Variants in TENM4 observed in about 807,000 individuals in gnomAD.
TENM4 encodes teneurin transmembrane protein 4.
A neutral mutation model predicts 243.3 loss-of-function variants in TENM4; 82 were observed. That is an observed-to-expected ratio of 0.34 (90% confidence interval 0.28 to 0.40). The LOEUF is 0.40. TENM4 is among the 10% of genes least tolerant of loss of function. The pLI is 1.00. For missense variants in TENM4, 3,138 were observed against 3,673.3 expected (o/e 0.85, Z 3.77); for synonymous variants, 1,412 against 1,456.3 (o/e 0.97, Z 0.69).
At chr11:79,243,576 G>A (rs976026479) in intron 2 of TENM4, among the ~76,000 whole-genome samples, 1 of 152,180 alleles carries the variant, frequency 6.6e-6, no homozygotes, top group African/African-American at 2.4e-5. Flanking sequence ...AGAAACACAA[G>A]AGGAGGGAGG....
intron 3 of TENM4, among the ~76,000 whole-genome samples, chr11:79,201,928 A>G (rs1863746518): frequency 6.6e-6 from 1 of 152,196 alleles, no homozygotes; most frequent in Non-Finnish European, 1.5e-5. Flanking sequence ...CCAAGAGTGA[A>G]TGAATGGAGG....
At chr11:78,743,197 A>G (rs887258952) in intron 19 of TENM4, among the ~76,000 whole-genome samples, 1 of 152,152 alleles carries the variant, frequency 6.6e-6, no homozygotes, top group African/African-American at 2.4e-5. Context: ...CTCCTAGGGC[A>G]TTCACCAAGC....
At position 78,887,873 on chromosome 11, in the gene TENM4, G is replaced by A. The variant is rs945249488; in HGVS notation, c.1084+1912C>T. On this transcript the variant is annotated intron_variant, in intron 9 of 33. Transcript: ENST00000278550. ...ATGATATAAACCTTAAGACTTCAAC[G>A]CAAAACAAATGGATGTGTATAGCAG... 1.6e-4 allele frequency among the ~76,000 whole-genome samples: 24 copies of A among 152,316 alleles called. No homozygotes were observed. In the East Asian group the frequency reaches 2.5e-3, roughly 16 times the overall value.
chr11:79,080,721 C>G (rs1396053443), intron 4 of TENM4, among the ~76,000 whole-genome samples: 1 of 152,218 alleles, frequency 6.6e-6, no homozygotes, highest in Non-Finnish European at 1.5e-5. Context: ...GTAAGCAGCA[C>G]TTTGGGAAAT....
chr11:78,774,198 T>A (rs1275996576), intron 17 of TENM4, among the ~76,000 whole-genome samples: 2 of 152,194 alleles, frequency 1.3e-5, no homozygotes, highest in African/African-American at 2.4e-5. Flanking sequence ...TACATAGGGA[T>A]TCAATAAATG....
intron 1 of TENM4, among the ~76,000 whole-genome samples, chr11:79,323,190 G>T (rs939064262): frequency 3.3e-5 from 5 of 152,144 alleles, no homozygotes; most frequent in Admixed American, 6.5e-5. Flanking sequence ...TTGTGTATGG[G>T]CCCCTCTTGA....
At chr11:78,876,503 C>T (rs893840349) in intron 9 of TENM4, among the ~76,000 whole-genome samples, 1 of 152,212 alleles carries the variant, frequency 6.6e-6, no homozygotes, top group Non-Finnish European at 1.5e-5. Context: ...AAAGCCATTC[C>T]GATCTTCTCT....
chr11:78,825,541 G>GAAAGAC (rs1436363434), intron 12 of TENM4, among the ~76,000 whole-genome samples: 2 of 152,132 alleles, frequency 1.3e-5, no homozygotes, highest in Non-Finnish European at 2.9e-5. Flanking sequence ...TCGTCTGGAA[G>GAAAGAC]AAAGACAGAC....
chr11:79,108,654 G>A (rs185513863), intron 4 of TENM4, among the ~76,000 whole-genome samples: 3,280 of 152,132 alleles, frequency 0.022, 116 homozygotes, highest in African/African-American at 0.075. Flanking sequence ...TCCAGATGTT[G>A]TACCCTGAGA....
intron 2 of TENM4, among the ~76,000 whole-genome samples, chr11:79,231,055 T>C (rs1457600563): frequency 6.6e-6 from 1 of 152,198 alleles, no homozygotes; most frequent in Non-Finnish European, 1.5e-5. Context: ...ATGCTGATTC[T>C]ATAACTTAAC....
chr11:78,992,604 C>G (rs904628486), intron 6 of TENM4, among the ~76,000 whole-genome samples: 14 of 152,102 alleles, frequency 9.2e-5, no homozygotes, highest in African/African-American at 2.7e-4. Context: ...TGAGAAAGAA[C>G]GGGACTTCAC....
rs557037017 is a variant in TENM4, at chr11:79,070,455, T to G, written c.-65-446A>C. ...GGGTAAGCACTTTGCATATATTATC[T>G]TAGTAAATCTTGATATCTTCTGAGA... On this transcript the variant is annotated intron_variant, in intron 4 of 33. Coordinates refer to ENST00000278550, the MANE Select transcript of TENM4 (RefSeq NM_001098816.3). Among the ~76,000 whole-genome samples the G allele has an allele frequency of 5.9e-5, 9 of 152,300 alleles. No homozygotes were observed. The South Asian group carries it at 1.5e-3, about 25-fold the overall frequency.
intron 4 of TENM4, among the ~76,000 whole-genome samples, chr11:79,133,441 C>G (rs1008302061): frequency 6.6e-6 from 1 of 152,064 alleles, no homozygotes; most frequent in Non-Finnish European, 1.5e-5. Context: ...GAATAGGTAC[C>G]AATCCTTTTG....
intron 6 of TENM4, among the ~76,000 whole-genome samples, chr11:79,009,602 T>G (rs1463175446): frequency 6.6e-6 from 1 of 152,174 alleles, no homozygotes; most frequent in Non-Finnish European, 1.5e-5. Context: ...CCTGGGACCC[T>G]GATTTTTAGG....
At chr11:78,791,280 T>C (rs2136049533) in intron 15 of TENM4, among the ~76,000 whole-genome samples, 1 of 152,360 alleles carries the variant, frequency 6.6e-6, no homozygotes, top group Non-Finnish European at 1.5e-5. Flanking sequence ...AAAGGAACTG[T>C]TTTATTTTTC....
At chr11:79,287,981 G>A (rs2135376779) in intron 2 of TENM4, among the ~76,000 whole-genome samples, 1 of 152,284 alleles carries the variant, frequency 6.6e-6, no homozygotes, top group Admixed American at 6.5e-5. Flanking sequence ...GGGCCTCAGT[G>A]GGAACCCCAA....
chr11:78,983,735 T>C (rs1387694061), intron 6 of TENM4, among the ~76,000 whole-genome samples: 1 of 149,112 alleles, frequency 6.7e-6, no homozygotes, highest in Non-Finnish European at 1.5e-5. Context: ...GTCACCCTCC[T>C]CTAGAGGCCT....
chr11:79,317,736 CT>C (rs929634253), intron 1 of TENM4, among the ~76,000 whole-genome samples: 13 of 152,230 alleles, frequency 8.5e-5, no homozygotes, highest in African/African-American at 3.1e-4. Context: ...ACTCATTGAA[CT>C]GCCTTTCTGC....
intron 12 of TENM4, among the ~76,000 whole-genome samples, chr11:78,824,973 C>G (rs1857819237): frequency 6.6e-6 from 1 of 152,210 alleles, no homozygotes; most frequent in East Asian, 1.9e-4. Flanking sequence ...AACTGAAACT[C>G]TGGTTTTCAA....
Sources: gnomAD v4.1 joint callset for allele counts (sites outside exome capture counted in the v4.1 genomes callset) on GRCh38, gnomAD v4.1.1 for gene constraint, MANE v1.5 for transcripts, NCBI Gene and HGNC (gene_info 2026-07-23, HGNC 2026-07-21) for gene names.